Variants in NEGR1 observed in about 807,000 individuals in gnomAD.
The protein encoded by NEGR1 is neuronal growth regulator 1, also known as IgLON family member 4.
Under a neutral mutation model 40.9 loss-of-function variants are expected in NEGR1, and 10 were observed. The ratio of observed to expected loss-of-function variants is 0.24; its 90% CI spans 0.15 to 0.42. NEGR1 has a LOEUF of 0.42. Ranked by LOEUF, NEGR1 falls within the 10% of genes least tolerant of loss-of-function variation. The pLI, the probability that NEGR1 is intolerant of heterozygous loss-of-function variation, is 1.00. For missense variants in NEGR1, 352 were observed against 438.9 expected (o/e 0.80, Z 1.77); for synonymous variants, 185 against 166.8 (o/e 1.11, Z -0.84).
intron 1 of NEGR1, among the ~76,000 whole-genome samples, chr1:72,181,300 T>C (rs1332887710): frequency 1.3e-5 from 2 of 152,160 alleles, no homozygotes; most frequent in African/African-American, 4.8e-5. Flanking sequence ...AGAATGCTGC[T>C]AGAGAGGACA....
At chr1:71,664,378 C>T (rs1006889984) in intron 4 of NEGR1, among the ~76,000 whole-genome samples, 2 of 152,100 alleles carry the variant, frequency 1.3e-5, no homozygotes, top group Non-Finnish European at 2.9e-5. Flanking sequence ...ATGGTAGTTC[C>T]TATCCTTGTA....
intron 2 of NEGR1, among the ~76,000 whole-genome samples, chr1:71,860,410 G>A (rs1393309102): frequency 6.6e-6 from 1 of 151,830 alleles, no homozygotes; most frequent in Non-Finnish European, 1.5e-5. Context: ...AGTAAATCTT[G>A]TGAATCAGTT....
At chr1:71,783,663 A>G (rs936147774) in intron 2 of NEGR1, among the ~76,000 whole-genome samples, 1 of 152,210 alleles carries the variant, frequency 6.6e-6, no homozygotes, top group Non-Finnish European at 1.5e-5. Context: ...CCGTATAAGA[A>G]AAACGTTATC....
intron 6 of NEGR1, among the ~76,000 whole-genome samples, chr1:71,542,637 C>G (rs557110312): frequency 2.6e-5 from 4 of 151,842 alleles, no homozygotes; most frequent in Non-Finnish European, 4.4e-5. Flanking sequence ...CCTTTTCACT[C>G]CCAATCGAGT....
intron 6 of NEGR1, among the ~76,000 whole-genome samples, chr1:71,433,370 G>T (rs1490153819): frequency 6.6e-6 from 1 of 152,158 alleles, no homozygotes; most frequent in Non-Finnish European, 1.5e-5. Flanking sequence ...CTTCAAACTG[G>T]ACACCAGTTA....
intron 1 of NEGR1, among the ~76,000 whole-genome samples, chr1:72,023,492 TAG>T (rs1292818446): frequency 6.6e-6 from 1 of 151,804 alleles, no homozygotes; most frequent in Non-Finnish European, 1.5e-5. Flanking sequence ...TTCTCCCACA[TAG>T]AAAGCCCAAC....
At chr1:71,859,060 T>C (rs904715073) in intron 2 of NEGR1, among the ~76,000 whole-genome samples, 6 of 152,114 alleles carry the variant, frequency 3.9e-5, no homozygotes, top group African/African-American at 9.7e-5. Context: ...ATATGTCCTA[T>C]GTCACTTGGT....
chr1:72,134,269 G>A lies in NEGR1; in HGVS notation c.176+148050C>T, dbSNP rs542163049. ...TGTTGCCCAGGCTGGAGTGTGTCAC[G>A]ATCTTGGCTCACTGCAAGCTCCACC... On this transcript the variant is annotated intron_variant, in intron 1 of 6. Coordinates refer to ENST00000357731, the MANE Select transcript of NEGR1 (RefSeq NM_173808.3). Among the ~76,000 whole-genome samples, 17 of 147,428 alleles carry A rather than the reference G, an allele frequency of 1.2e-4. No individual in the cohort carries two copies. The South Asian group carries it at 1.7e-3, about 15-fold the overall frequency.
chr1:72,279,405 A>C (rs1656169514), intron 1 of NEGR1, among the ~76,000 whole-genome samples: 1 of 152,186 alleles, frequency 6.6e-6, no homozygotes, highest in Non-Finnish European at 1.5e-5. Context: ...TTTAGCACTT[A>C]AAATTATTTG....
chr1:71,577,324 G>A (rs1391879722), intron 6 of NEGR1, among the ~76,000 whole-genome samples: 1 of 152,082 alleles, frequency 6.6e-6, no homozygotes, highest in African/African-American at 2.4e-5. Context: ...GATTTCAGAA[G>A]TTATTTTAAA....
intron 1 of NEGR1, among the ~76,000 whole-genome samples, chr1:72,247,709 C>A (rs1175536905): frequency 6.6e-6 from 1 of 152,144 alleles, no homozygotes; most frequent in African/African-American, 2.4e-5. Flanking sequence ...CTTCTGAGCC[C>A]TCCAAACTCT....
At chr1:71,470,679 T>C (rs1646776639) in intron 6 of NEGR1, among the ~76,000 whole-genome samples, 1 of 152,144 alleles carries the variant, frequency 6.6e-6, no homozygotes, top group Non-Finnish European at 1.5e-5. Flanking sequence ...TGCATTCTAT[T>C]TTGCAGCCAG....
intron 4 of NEGR1, among the ~76,000 whole-genome samples, chr1:71,637,050 G>C (rs997278630): frequency 6.6e-6 from 1 of 151,990 alleles, no homozygotes; most frequent in Non-Finnish European, 1.5e-5. Flanking sequence ...GTTTATTCTA[G>C]TTCTCCCGTT....
chr1:72,165,424 A>G (rs1651730309), intron 1 of NEGR1, among the ~76,000 whole-genome samples: 1 of 151,996 alleles, frequency 6.6e-6, no homozygotes, highest in Non-Finnish European at 1.5e-5. Context: ...GCAGTTTTAG[A>G]TCTGATGATT....
intron 4 of NEGR1, among the ~76,000 whole-genome samples, chr1:71,637,530 C>T (rs944584123): frequency 6.6e-6 from 1 of 151,604 alleles, no homozygotes; most frequent in Non-Finnish European, 1.5e-5. Context: ...GCAGCAGTAA[C>T]AGAATAAAGT....
At chr1:71,820,800 G>A (rs1400408683) in intron 2 of NEGR1, among the ~76,000 whole-genome samples, 1 of 151,932 alleles carries the variant, frequency 6.6e-6, no homozygotes, top group East Asian at 1.9e-4. Context: ...TTAATCCTGG[G>A]AGTGGGAGAT....
chr1:72,186,586 T>C (rs1652621045), intron 1 of NEGR1, among the ~76,000 whole-genome samples: 1 of 151,562 alleles, frequency 6.6e-6, no homozygotes, highest in African/African-American at 2.4e-5. Flanking sequence ...ATAATTCTAA[T>C]AGGCCTTAAG....
chr1:71,717,763 G>T (rs151242212), intron 3 of NEGR1, among the ~76,000 whole-genome samples: 121 of 152,158 alleles, frequency 8.0e-4, no homozygotes, highest in African/African-American at 2.8e-3. Context: ...TCCTTAAAAA[G>T]GTAATTAAGT....
intron 1 of NEGR1, among the ~76,000 whole-genome samples, chr1:72,054,268 C>A (rs145134103): frequency 6.6e-6 from 1 of 151,426 alleles, no homozygotes; most frequent in African/African-American, 2.4e-5. Flanking sequence ...TGTTGCTGAG[C>A]AAATGACTGC....
Sources: gnomAD v4.1 joint callset for allele counts (sites outside exome capture counted in the v4.1 genomes callset) on GRCh38, gnomAD v4.1.1 for gene constraint, MANE v1.5 for transcripts, NCBI Gene and HGNC (gene_info 2026-07-23, HGNC 2026-07-21) for gene names.